The following SUMF1 variants were observed in gnomAD, a reference collection of about 807,000 sequenced individuals.
SUMF1 encodes formylglycine-generating enzyme.
SUMF1 carries 48 observed loss-of-function variants against 47.6 expected under a neutral mutation model. That is an observed-to-expected ratio of 1.01 (90% CI 0.80 to 1.28). The LOEUF (loss-of-function observed/expected upper bound fraction) is 1.28. SUMF1 is among the 50% of genes most tolerant of loss of function. The pLI is 0.00. For missense variants in SUMF1, 571 were observed against 485.4 expected (o/e 1.18, Z -1.66); for synonymous variants, 230 against 192.1 (o/e 1.20, Z -1.63).
chr3:4,126,491 G>C (rs1027135805), intron 8 of SUMF1, among the ~76,000 whole-genome samples: 2 of 151,926 alleles, frequency 1.3e-5, no homozygotes, highest in Non-Finnish European at 2.9e-5. Context: ...TTAGCCTCTA[G>C]ACCATCTACT....
At chr3:4,108,993 T>G (rs1693224512) in intron 8 of SUMF1, among the ~76,000 whole-genome samples, 1 of 152,140 alleles carries the variant, frequency 6.6e-6, no homozygotes, top group Non-Finnish European at 1.5e-5. Context: ...ATTTTGCTCA[T>G]TAGTTGATGC....
At chr3:4,175,597 A>G in intron 8 of SUMF1, among the ~76,000 whole-genome samples, 1 of 152,230 alleles carries the variant, frequency 6.6e-6, no homozygotes, top group East Asian at 1.9e-4. Flanking sequence ...CCACAGCAGA[A>G]AAGCTCAAAA....
At chr3:4,354,804 G>T (rs1699582370) in intron 8 of SUMF1, among the ~76,000 whole-genome samples, 7 of 152,130 alleles carry the variant, frequency 4.6e-5, no homozygotes, top group Admixed American at 4.6e-4. Context: ...ATTTATAACA[G>T]GAACAAGTAC....
chr3:4,454,589 G>GTATATACC (rs1467327190), intron 1 of SUMF1, among the ~76,000 whole-genome samples: 15 of 152,090 alleles, frequency 9.9e-5, no homozygotes, highest in African/African-American at 3.6e-4. Context: ...ATACCCAAGA[G>GTATATACC]AAATAAAAAC....
intron 7 of SUMF1, among the ~76,000 whole-genome samples, chr3:4,392,845 A>G (rs1280219773): frequency 3.5e-5 from 5 of 144,028 alleles, no homozygotes; most frequent in African/African-American, 1.2e-4. Context: ...TTTTTTTTCA[A>G]TTCCATTGAG....
chr3:4,110,579 AC>A (rs1001157708), intron 8 of SUMF1, among the ~76,000 whole-genome samples: 1 of 152,000 alleles, frequency 6.6e-6, no homozygotes, highest in African/African-American at 2.4e-5. Flanking sequence ...AATAACAAAG[AC>A]TTGGAACCAA....
At chr3:4,238,957 T>A (rs751322735) in intron 8 of SUMF1, among the ~76,000 whole-genome samples, 1 of 152,126 alleles carries the variant, frequency 6.6e-6, no homozygotes, top group African/African-American at 2.4e-5. Flanking sequence ...TTCTATAAGG[T>A]GTAAGGAAGG....
chr3:4,292,794 A>G (rs1015465266), intron 8 of SUMF1, among the ~76,000 whole-genome samples: 7 of 152,198 alleles, frequency 4.6e-5, no homozygotes, highest in Non-Finnish European at 8.8e-5. Flanking sequence ...ACCAACTAAA[A>G]ACAAAAATGC....
At chr3:4,332,321 A>G (rs901421930) in intron 8 of SUMF1, among the ~76,000 whole-genome samples, 4 of 152,228 alleles carry the variant, frequency 2.6e-5, no homozygotes. Flanking sequence ...GCCCTAAACA[A>G]TTGTCAGCTA....
chr3:4,370,396 A>G (rs1356883583), intron 8 of SUMF1, among the ~76,000 whole-genome samples: 2 of 152,260 alleles, frequency 1.3e-5, no homozygotes, highest in East Asian at 1.9e-4. Context: ...CATTTGCTAC[A>G]TAAATGGGAA....
At chr3:4,186,280 G>A (rs1221748406) in intron 8 of SUMF1, among the ~76,000 whole-genome samples, 1 of 151,960 alleles carries the variant, frequency 6.6e-6, no homozygotes, top group Non-Finnish European at 1.5e-5. Context: ...CCCCAAATTG[G>A]GCATAATGTT....
At chr3:4,036,631 C>T (rs951728568) in intron 9 of SUMF1, among the ~76,000 whole-genome samples, 1 of 102,630 alleles carries the variant, frequency 9.7e-6, no homozygotes, top group Non-Finnish European at 2.2e-5. Context: ...AAAAAAAAAA[C>T]AGAGCTGGTC....
intron 8 of SUMF1, among the ~76,000 whole-genome samples, chr3:4,195,537 T>C (rs1695409488): frequency 6.6e-6 from 1 of 152,138 alleles, no homozygotes; most frequent in South Asian, 2.1e-4. Flanking sequence ...TACATTTAAA[T>C]GGGAAAATGT....
intron 8 of SUMF1, among the ~76,000 whole-genome samples, chr3:4,111,120 TA>T (rs1693296213): frequency 6.6e-6 from 1 of 151,686 alleles, no homozygotes; most frequent in Non-Finnish European, 1.5e-5. Flanking sequence ...TCCCTCAGGA[TA>T]TTCGCAGATT....
chr3:4,041,848 T>G (rs780795604), intron 9 of SUMF1, among the ~76,000 whole-genome samples: 4 of 152,116 alleles, frequency 2.6e-5, no homozygotes, highest in Non-Finnish European at 5.9e-5. Context: ...CAGCACAGCT[T>G]TTTCCCTCCC....
intron 8 of SUMF1, among the ~76,000 whole-genome samples, chr3:4,284,439 G>C (rs977567828): frequency 6.8e-5 from 7 of 103,064 alleles, no homozygotes; most frequent in African/African-American, 3.6e-4. Context: ...AATAAAAAAT[G>C]AAAGGAGGAG....
chr3:4,108,688 T>A (rs1693216276), intron 8 of SUMF1, among the ~76,000 whole-genome samples: 1 of 152,174 alleles, frequency 6.6e-6, no homozygotes, highest in Admixed American at 6.5e-5. Flanking sequence ...TGGCCTTCTT[T>A]GTCTCTTTTG....
chr3:4,360,105 G>C (rs1227111950), downstream of SUMF1, among the ~76,000 whole-genome samples: 30 of 151,922 alleles, frequency 2.0e-4, no homozygotes. Flanking sequence ...ATATATGCAG[G>C]CGGGAGGTAA....
Position 4,433,021 on chromosome 3 carries a change from C to T in SUMF1, c.520-12875G>A, listed in dbSNP as rs149912076. ...GCCACTTCGTGGGCCATTGTTGCCTCATCTATAAGATTTTTTGCCAGATAA... is the reference window on the plus strand; with the variant it reads ...GCCACTTCGTGGGCCATTGTTGCCTTATCTATAAGATTTTTTGCCAGATAA... On this transcript the variant is annotated intron_variant, in intron 3 of 8. Coordinates refer to ENST00000272902, the MANE Select transcript of SUMF1 (RefSeq NM_182760.4). Among the ~76,000 whole-genome samples the T allele has an allele frequency of 2.0e-5, 3 of 152,304 alleles. No individual in the cohort carries two copies. The East Asian group carries it at 5.8e-4, about 29-fold the overall frequency.
Sources: gnomAD v4.1 joint callset for allele counts (sites outside exome capture counted in the v4.1 genomes callset) on GRCh38, gnomAD v4.1.1 for gene constraint, MANE v1.5 for transcripts, NCBI Gene and HGNC (gene_info 2026-07-23, HGNC 2026-07-21) for gene names.